ZFYVE1: variants seen among roughly 807,000 people sequenced by gnomAD.
ZFYVE1 encodes zinc finger FYVE-type containing 1.
In ZFYVE1, 30 loss-of-function variants were observed where a neutral mutation model predicts 74.4. The observed-to-expected ratio is 0.40, with a 90% CI of 0.30 to 0.55. The LOEUF is 0.55. Ranked by LOEUF, ZFYVE1 falls within the 20% of genes least tolerant of loss-of-function variation. ZFYVE1 has a pLI of 0.42. For synonymous variants in ZFYVE1, 335 were observed against 385.1 expected, an observed-to-expected ratio of 0.87 and a Z score of 1.52; for missense variants, 703 against 1,011.6, an observed-to-expected ratio of 0.69 and a Z score of 4.14.
chr14:72,978,384 T>C (rs1223067569), intron 6 of ZFYVE1, 150 bp from the exon 7 acceptor site: 2 of 682,494 alleles, frequency 2.9e-6, no homozygotes, highest in South Asian at 1.9e-5. Context: ...CTGGCCAACA[T>C]GGTGAAACCC....
At chr14:73,004,897 G>T (rs547052481) in intron 2 of ZFYVE1, among the ~76,000 whole-genome samples, 2 of 151,918 alleles carry the variant, frequency 1.3e-5, no homozygotes, top group South Asian at 2.1e-4. Context: ...TACTCAGGAG[G>T]CTGAGGTGGG....
At chr14:72,996,116 G>A (rs1280854696) in intron 3 of ZFYVE1, among the ~76,000 whole-genome samples, 5 of 152,146 alleles carry the variant, frequency 3.3e-5, no homozygotes, top group Admixed American at 1.3e-4. Context: ...CGGGGTGGCA[G>A]GGGAGGGGCT....
intron 4 of ZFYVE1, among the ~76,000 whole-genome samples, chr14:72,986,475 TAAAA>T (rs33940384): frequency 7.2e-6 from 1 of 139,684 alleles, no homozygotes. Flanking sequence ...CAGTAACTGT[TAAAA>T]AAAAAAAAAA....
chr14:72,992,621 C>CCCCCCCA (rs1471945072), intron 4 of ZFYVE1, among the ~76,000 whole-genome samples: 1 of 111,196 alleles, frequency 9.0e-6, no homozygotes, highest in Non-Finnish European at 2.0e-5. Flanking sequence ...AGGTGCCCCC[C>CCCCCCCA]CCGCCCCTTG....
rs1046779756 is a variant in ZFYVE1, at chr14:72,992,623, C to T, written c.1203+520G>A. Among the ~76,000 whole-genome samples, 15 of 116,748 alleles carry T rather than the reference C, an allele frequency of 1.3e-4. 2 individuals carry two copies. Among genetic ancestry groups the T allele is most frequent in the African/African-American group, 5.2e-4 (14 of 27,162 alleles). 76.6% of individuals were successfully genotyped at this position (116,748 alleles called of 152,430 possible). A position where few individuals can be genotyped will look rare whatever the true frequency, so the allele number is the denominator to read the frequency against. Reference sequence around the variant, plus strand: ...GGAGGTCCCATTCAGGTGCCCCCCCCGCCCCTTGCAAGAGAGAGAGAGCTG... The same window carrying T: ...GGAGGTCCCATTCAGGTGCCCCCCCTGCCCCTTGCAAGAGAGAGAGAGCTG... On this transcript the variant is annotated intron_variant, in intron 4 of 11. Transcript: ENST00000556143.
In ZFYVE1 at chr14:72,974,708, A is replaced by G; in HGVS notation, c.1987+71T>C. 6 of 1,521,476 alleles carry G rather than the reference A, an allele frequency of 3.9e-6. No individual in the cohort carries two copies. The South Asian group carries it at 6.4e-5, about 16-fold the overall frequency. 94.2% of individuals were successfully genotyped at this position (1,521,476 alleles called of 1,614,324 possible). On this transcript the variant is annotated intron_variant, in intron 10 of 11. Coordinates refer to ENST00000556143, the MANE Select transcript of ZFYVE1 (RefSeq NM_021260.4). ...TGTGGATTAGGGCATCTGGATATCC[A>G]GTTCTTAGCACCCAGGGCCAATGTG...
In ZFYVE1 at chr14:72,969,857, A is replaced by T. The variant is rs1892984821; in HGVS notation, c.*1025T>A. The T allele has an allele frequency of 4.6e-6, 3 of 646,436 alleles. No individual in the cohort carries two copies. In the African/African-American group the frequency reaches 5.5e-5, roughly 12 times the overall value. The allele number at this position is 646,436 out of a possible 1,614,324, so 40.0% of individuals were successfully genotyped here. On this transcript the variant is annotated 3_prime_UTR_variant, in exon 12 of 12. Transcript: ENST00000556143. ...TTGAAATATTTATATAGACTTTTAA[A>T]AACAACTAACAGTTCATCCTGTGCT...
chr14:73,023,356 A>T (rs1442357642), intron 2 of ZFYVE1, among the ~76,000 whole-genome samples: 2 of 61,046 alleles, frequency 3.3e-5, no homozygotes, highest in East Asian at 7.8e-4. Flanking sequence ...TATAATATAT[A>T]TTATATATGT....
intron 5 of ZFYVE1, among the ~76,000 whole-genome samples, chr14:72,981,299 C>A (rs1232369209): frequency 6.6e-6 from 1 of 152,090 alleles, no homozygotes; most frequent in Non-Finnish European, 1.5e-5. Flanking sequence ...TTTGAAAGCT[C>A]CCCAGAAAAT....
chr14:72,990,351 T>C (rs1401975241), intron 4 of ZFYVE1, among the ~76,000 whole-genome samples: 1 of 151,700 alleles, frequency 6.6e-6, no homozygotes, highest in Non-Finnish European at 1.5e-5. Flanking sequence ...CGGTGAAATT[T>C]TGAGGATGCC....
intron 2 of ZFYVE1, among the ~76,000 whole-genome samples, chr14:73,004,859 C>G (rs1003720671): frequency 2.0e-5 from 3 of 151,970 alleles, no homozygotes; most frequent in African/African-American, 7.2e-5. Context: ...ATTGGCCAGG[C>G]GTTGCGGCAC....
At chr14:73,002,555 G>A (rs949564456) in intron 2 of ZFYVE1, among the ~76,000 whole-genome samples, 8 of 151,548 alleles carry the variant, frequency 5.3e-5, no homozygotes, top group Admixed American at 1.3e-4. Context: ...TGATTCTCCC[G>A]CCTCAAACTC....
intron 2 of ZFYVE1, among the ~76,000 whole-genome samples, chr14:73,002,575 TG>T (rs1893894982): frequency 6.6e-6 from 1 of 151,894 alleles, no homozygotes; most frequent in African/African-American, 2.4e-5. Context: ...CCCGAGTAGC[TG>T]GGATTACAGG....
intron 2 of ZFYVE1, among the ~76,000 whole-genome samples, chr14:72,999,371 G>A (rs532929593): frequency 1.3e-5 from 2 of 152,240 alleles, no homozygotes; most frequent in Admixed American, 1.3e-4. Flanking sequence ...AGGTTGCAGT[G>A]AGCAGCGATC....
intron 11 of ZFYVE1, among the ~76,000 whole-genome samples, chr14:72,972,383 C>G: frequency 6.6e-6 from 1 of 152,220 alleles, no homozygotes; most frequent in East Asian, 1.9e-4. Flanking sequence ...AGCCAGCAGG[C>G]TATGCTCTGC....
At chr14:73,018,737 T>C (rs1805003940) in intron 2 of ZFYVE1, among the ~76,000 whole-genome samples, 1 of 151,558 alleles carries the variant, frequency 6.6e-6, no homozygotes, top group Non-Finnish European at 1.5e-5. Flanking sequence ...AGGTCACGAG[T>C]TCAAGACCAG....
chr14:72,979,687 T>A (rs1190031708), intron 5 of ZFYVE1, among the ~76,000 whole-genome samples: 2 of 149,754 alleles, frequency 1.3e-5, no homozygotes, highest in East Asian at 3.9e-4. Context: ...AGAAATCCCT[T>A]GTTGGAAAAA....
At chr14:72,971,272 TCA>T (rs1169296635) in intron 11 of ZFYVE1, among the ~76,000 whole-genome samples, 158 bp from the exon 12 acceptor site, 2 of 152,216 alleles carry the variant, frequency 1.3e-5, no homozygotes, top group African/African-American at 4.8e-5. Context: ...GCTCTGCCAC[TCA>T]CATCCAGATC....
intron 7 of ZFYVE1, 22 bp downstream of exon 7, chr14:72,978,115 G>A: frequency 6.2e-7 from 1 of 1,614,006 alleles, no homozygotes; most frequent in Non-Finnish European, 8.5e-7. Flanking sequence ...AGAAAACCTT[G>A]AGCCATGTTG....
Sources: gnomAD v4.1 joint callset for allele counts (sites outside exome capture counted in the v4.1 genomes callset) on GRCh38, gnomAD v4.1.1 for gene constraint, MANE v1.5 for transcripts, NCBI Gene and HGNC (gene_info 2026-07-23, HGNC 2026-07-21) for gene names.